The following SLC28A3 variants were observed in gnomAD, a reference collection of about 807,000 sequenced individuals.
SLC28A3 encodes concentrative Na(+)-nucleoside cotransporter 3.
In SLC28A3, 68 loss-of-function variants were observed where a neutral mutation model predicts 84.2. The observed-to-expected ratio is 0.81, with a 90% CI of 0.66 to 0.99. SLC28A3 has a LOEUF of 0.99. Ranked by LOEUF, SLC28A3 falls within the 50% of genes least tolerant of loss-of-function variation. SLC28A3 has a pLI of 0.00. For missense variants in SLC28A3, 712 were observed against 841.5 expected, an observed-to-expected ratio of 0.85 and a Z score of 1.90; for synonymous variants, 267 against 303.6, an observed-to-expected ratio of 0.88 and a Z score of 1.25.
chr9:84,288,608 C>T (rs1380829033), intron 11 of SLC28A3, among the ~76,000 whole-genome samples: 1 of 151,620 alleles, frequency 6.6e-6, no homozygotes, highest in Non-Finnish European at 1.5e-5. Context: ...TGCAGTGGTG[C>T]GATCTTGGCT....
At chr9:84,341,521 T>C (rs1827158270), upstream of SLC28A3, among the ~76,000 whole-genome samples, 1 of 152,212 alleles carries the variant, frequency 6.6e-6, no homozygotes, top group Admixed American at 6.5e-5. Context: ...TACAGAAAAG[T>C]TAACAATTTG....
chr9:84,346,428 G>T, the SLC28A3 span, among the ~76,000 whole-genome samples: 8,234 of 152,248 alleles, frequency 0.054, 452 homozygotes, highest in East Asian at 0.17. Flanking sequence ...AAATTGTGTA[G>T]AATGCTTGTC....
chr9:84,341,695 C>G (rs147553718), upstream of SLC28A3, among the ~76,000 whole-genome samples: 289 of 152,172 alleles, frequency 1.9e-3, 2 homozygotes, highest in African/African-American at 6.7e-3. Context: ...ACCAGCTATT[C>G]AATTATCAAA....
intron 4 of SLC28A3, 52 bp downstream of exon 4, chr9:84,305,202 G>GAAAAAA (rs35729465): frequency 2.6e-6 from 3 of 1,165,900 alleles, no homozygotes; most frequent in East Asian, 2.6e-5. Flanking sequence ...GGGAATCCCT[G>GAAAAAA]AAAAAAAAAA....
chr9:84,282,049 G>A (rs186099598), intron 14 of SLC28A3, among the ~76,000 whole-genome samples: 4 of 152,214 alleles, frequency 2.6e-5, no homozygotes, highest in Non-Finnish European at 5.9e-5. Context: ...GGCTGAGGCA[G>A]GAGAATCACT....
chr9:84,342,432 TTGTGTG>T (rs59071405), upstream of SLC28A3, among the ~76,000 whole-genome samples: 1 of 150,596 alleles, frequency 6.6e-6, no homozygotes, highest in African/African-American at 2.4e-5. Flanking sequence ...AAGTAGATTC[TTGTGTG>T]TGTGTGTGTG....
intron 12 of SLC28A3, among the ~76,000 whole-genome samples, chr9:84,286,565 C>A (rs1410986585): frequency 6.7e-6 from 1 of 149,280 alleles, no homozygotes. Flanking sequence ...GGGTAACTTA[C>A]ATTACTTTTT....
At chr9:84,338,535 T>C (rs536319907) in intron 1 of SLC28A3, among the ~76,000 whole-genome samples, 36 of 152,338 alleles carry the variant, frequency 2.4e-4, no homozygotes, top group African/African-American at 8.4e-4. Flanking sequence ...AAGCTTCCTT[T>C]CATTTTTCCT....
At chr9:84,303,962 C>T (rs955882724) in intron 4 of SLC28A3, among the ~76,000 whole-genome samples, 12 of 152,182 alleles carry the variant, frequency 7.9e-5, no homozygotes, top group Admixed American at 3.9e-4. Context: ...TTCTTCCCTC[C>T]CTCAAAGTAC....
chr9:84,325,467 C>G lies in SLC28A3; in HGVS notation c.61-12013G>C, dbSNP rs895028547. 2.6e-5 allele frequency among the ~76,000 whole-genome samples: 4 copies of G among 152,166 alleles called. No homozygotes were observed. In the South Asian group the frequency reaches 8.3e-4, roughly 32 times the overall value. The stretch of plus-strand genomic sequence containing the variant: ...TCGGAAGATGGAGTGACTCCCTGAC[C>G]CTGAAAGTAGGTGAGATCACGTTTT... On this transcript the variant is annotated intron_variant, in intron 1 of 17. Transcript: ENST00000376238.
chr9:84,350,351 G>A, the SLC28A3 span, among the ~76,000 whole-genome samples: 4 of 151,832 alleles, frequency 2.6e-5, no homozygotes, highest in African/African-American at 4.8e-5. Flanking sequence ...CTGAGGCAGG[G>A]GAATCGCTTG....
intron 2 of SLC28A3, among the ~76,000 whole-genome samples, chr9:84,312,992 C>T (rs576735195): frequency 3.3e-5 from 5 of 152,152 alleles, no homozygotes; most frequent in African/African-American, 1.2e-4. Flanking sequence ...CTAAGGAATG[C>T]GAGTGCATGA....
intron 1 of SLC28A3, among the ~76,000 whole-genome samples, chr9:84,331,077 C>G (rs1826764128): frequency 6.6e-6 from 1 of 152,192 alleles, no homozygotes; most frequent in Admixed American, 6.5e-5. Context: ...TATACCCTCT[C>G]TCTCTGAGAT....
intron 1 of SLC28A3, among the ~76,000 whole-genome samples, chr9:84,320,266 G>A (rs1214909000): frequency 6.6e-6 from 1 of 151,656 alleles, no homozygotes; most frequent in African/African-American, 2.4e-5. Flanking sequence ...TGATGGCCAG[G>A]CTGGTCTTGA....
intron 2 of SLC28A3, 44 bp from the exon 3 acceptor site, chr9:84,309,758 T>G (rs371719260): frequency 1.3e-4 from 192 of 1,528,520 alleles, no homozygotes; most frequent in Middle Eastern, 6.8e-4. Context: ...ATGAGCATCC[T>G]GGGCATAATG....
At chr9:84,305,459 T>A in intron 3 of SLC28A3, 114 bp from the exon 4 acceptor site, 1 of 811,394 alleles carries the variant, frequency 1.2e-6, no homozygotes, top group Non-Finnish European at 2.1e-6. Context: ...AACACATGTG[T>A]GAGGCGTATG....
chr9:84,347,867 G>A, the SLC28A3 span, among the ~76,000 whole-genome samples: 1 of 152,172 alleles, frequency 6.6e-6, no homozygotes, highest in Non-Finnish European at 1.5e-5. Context: ...ATTGAACAAA[G>A]GTACACAAAG....
At chr9:84,278,481 G>T in intron 17 of SLC28A3, 137 bp from the exon 18 acceptor site, 1 of 1,121,246 alleles carries the variant, frequency 8.9e-7, no homozygotes, top group Non-Finnish European at 1.2e-6. Context: ...TGGATTAAAG[G>T]ACAGAGACAC....
chr9:84,366,111 G>A, the SLC28A3 span, among the ~76,000 whole-genome samples: 1 of 151,972 alleles, frequency 6.6e-6, no homozygotes, highest in Non-Finnish European at 1.5e-5. Flanking sequence ...TAAACTGACT[G>A]TATTTTCAAA....
Sources: gnomAD v4.1 joint callset for allele counts (sites outside exome capture counted in the v4.1 genomes callset) on GRCh38, gnomAD v4.1.1 for gene constraint, MANE v1.5 for transcripts, NCBI Gene and HGNC (gene_info 2026-07-23, HGNC 2026-07-21) for gene names.